The following MCF2L2 variants were observed in gnomAD, a reference collection of about 807,000 sequenced individuals.
The protein encoded by MCF2L2 is MCF.2 cell line derived transforming sequence-like 2, also known as probable guanine nucleotide exchange factor MCF2L2.
MCF2L2 carries 102 observed loss-of-function variants against 150.2 expected under a neutral mutation model. That is an observed-to-expected ratio of 0.68 (90% CI 0.58 to 0.80). The LOEUF (loss-of-function observed/expected upper bound fraction) is 0.80. Ranked by LOEUF, MCF2L2 falls within the 30% of genes least tolerant of loss-of-function variation. MCF2L2 has a pLI of 0.00. For synonymous variants in MCF2L2, 465 were observed against 491.3 expected (o/e 0.95, Z 0.71); for missense variants, 1,256 against 1,372.8 (o/e 0.91, Z 1.34).
chr3:183,316,187 G>A (rs1729594369), intron 7 of MCF2L2, among the ~76,000 whole-genome samples: 1 of 152,016 alleles, frequency 6.6e-6, no homozygotes, highest in Admixed American at 6.5e-5. Context: ...ATACCTCCTA[G>A]GAATCACGTG....
At chr3:183,350,879 G>A (rs1325999957) in intron 3 of MCF2L2, among the ~76,000 whole-genome samples, 2 of 151,560 alleles carry the variant, frequency 1.3e-5, no homozygotes, top group Non-Finnish European at 2.9e-5. Flanking sequence ...ACTCCAGCCT[G>A]GGCGACAGAG....
intron 15 of MCF2L2, among the ~76,000 whole-genome samples, chr3:183,247,554 C>G (rs1291805816): frequency 6.6e-6 from 1 of 152,152 alleles, no homozygotes; most frequent in Non-Finnish European, 1.5e-5. Context: ...ATCCAAGTAA[C>G]TCGGTAATCT....
Position 183,219,893 on chromosome 3 carries a change from A to G in MCF2L2, c.2333T>C (p.Met778Thr), listed in dbSNP as rs1245992570. 10 of 1,613,116 alleles carry G rather than the reference A, an allele frequency of 6.2e-6. No individual in the cohort carries two copies. The highest frequency in any genetic ancestry group is 8.5e-6 in the Non-Finnish European group (10 of 1,179,272). Residue 778 changes from methionine to threonine, a missense_variant, in exon 21 of 30, where the codon ATG (methionine) becomes ACG (threonine). Transcript: ENST00000328913. ...GLLDFESPEDMEIDPGELGGS... is the reference protein window; with the variant it reads ...GLLDFESPEDTEIDPGELGGS... ...TCCTAGTTCACCTGGGTCTATCTCC[A>G]TATCTTCAGGAGACTCGAAATCCAG...
intron 1 of MCF2L2, among the ~76,000 whole-genome samples, chr3:183,416,951 T>A (rs1005040809): frequency 6.6e-6 from 1 of 151,166 alleles, no homozygotes; most frequent in Non-Finnish European, 1.5e-5. Flanking sequence ...CTACTAAAAA[T>A]TTTTTTAAAA....
chr3:183,338,822 T>A lies in MCF2L2; in HGVS notation c.464A>T (p.Asn155Ile). 1.2e-6 allele frequency: 2 copies of A among 1,603,258 alleles called. No individual in the cohort carries two copies. The highest frequency in any genetic ancestry group is 1.7e-6 in the Non-Finnish European group (2 of 1,172,456). ...TACCGGCACTTTCGTTTTAAACTCA[T>A]TTCGATAGTATTTAATGCCAATGTC... is the stretch of plus-strand genomic sequence containing the variant. ...FTDIGIKYYR[N>I]EFKTKVPIIM... Residue 155 changes from asparagine to isoleucine, a missense_variant, in exon 5 of 30, where the codon AAT becomes ATT. Transcript: ENST00000328913.
intron 1 of MCF2L2, among the ~76,000 whole-genome samples, chr3:183,421,947 T>C (rs545310467): frequency 1.3e-5 from 2 of 152,220 alleles, no homozygotes; most frequent in Non-Finnish European, 2.9e-5. Flanking sequence ...TTAACAGAGT[T>C]GTACTGCCTG....
intron 26 of MCF2L2, 138 bp downstream of exon 26, chr3:183,195,084 A>T: frequency 1.3e-6 from 1 of 752,440 alleles, no homozygotes; most frequent in Non-Finnish European, 2.2e-6. Context: ...CGCCCAGCCA[A>T]TATTTTTTAA....
chr3:183,199,758 G>T (rs1722204023), intron 25 of MCF2L2, among the ~76,000 whole-genome samples: 1 of 150,950 alleles, frequency 6.6e-6, no homozygotes, highest in African/African-American at 2.4e-5. Flanking sequence ...ATCCCCTAAT[G>T]CTATCTATCC....
At chr3:183,414,784 C>T (rs1473450005) in intron 1 of MCF2L2, among the ~76,000 whole-genome samples, 1 of 149,794 alleles carries the variant, frequency 6.7e-6, no homozygotes, top group Non-Finnish European at 1.5e-5. Flanking sequence ...AAAGTATTTC[C>T]CTTGTGAGTT....
At chr3:183,314,479 G>T (rs1048508021) in intron 7 of MCF2L2, among the ~76,000 whole-genome samples, 2 of 152,086 alleles carry the variant, frequency 1.3e-5, no homozygotes, top group Non-Finnish European at 2.9e-5. Flanking sequence ...AGCAAGTAAG[G>T]CTGAAAACCT....
chr3:183,419,748 C>T (rs141684618), intron 1 of MCF2L2, among the ~76,000 whole-genome samples: 12,902 of 152,212 alleles, frequency 0.085, 572 homozygotes, highest in African/African-American at 0.095. Flanking sequence ...TGGCATGCAC[C>T]TGTAGTCCCA....
At chr3:183,239,760 C>T (rs1381539189) in intron 15 of MCF2L2, among the ~76,000 whole-genome samples, 1 of 152,168 alleles carries the variant, frequency 6.6e-6, no homozygotes, top group Admixed American at 6.5e-5. Flanking sequence ...TTCAAGAACC[C>T]GAACTCAGAT....
At chr3:183,359,222 A>G (rs1711981742) in intron 3 of MCF2L2, among the ~76,000 whole-genome samples, 1 of 152,208 alleles carries the variant, frequency 6.6e-6, no homozygotes, top group Admixed American at 6.5e-5. Context: ...CAAAGACAGA[A>G]TAACTGTGCT....
At chr3:183,382,796 C>T (rs1180229517) in intron 2 of MCF2L2, among the ~76,000 whole-genome samples, 3 of 152,024 alleles carry the variant, frequency 2.0e-5, no homozygotes, top group African/African-American at 4.8e-5. Flanking sequence ...AAACATTAAG[C>T]GCTTGGGGTA....
rs189235198 is a variant in MCF2L2 at position 183,259,326 on chromosome 3, A to G, written c.1862+17546T>C. On this transcript the variant is annotated intron_variant, in intron 15 of 29. Transcript: ENST00000328913. ...GTGGGGTGGCAGGGGTGGGGCTAGGAGTAGTGGCTGTTTGTAGCATGTTTT... is the reference window on the plus strand; with the variant it reads ...GTGGGGTGGCAGGGGTGGGGCTAGGGGTAGTGGCTGTTTGTAGCATGTTTT... 5.9e-5 allele frequency among the ~76,000 whole-genome samples: 9 copies of G among 152,280 alleles called. No individual in the cohort carries two copies. The East Asian group carries it at 1.4e-3, about 23-fold the overall frequency.
At chr3:183,224,285 G>T in intron 18 of MCF2L2, 95 bp from the exon 19 acceptor site, 1 of 781,018 alleles carries the variant, frequency 1.3e-6, no homozygotes, top group Non-Finnish European at 2.2e-6. Flanking sequence ...ACAAGCCAGA[G>T]TATTCTAATG....
chr3:183,312,983 A>G (rs1729447343), intron 7 of MCF2L2, among the ~76,000 whole-genome samples: 2 of 152,326 alleles, frequency 1.3e-5, no homozygotes, highest in East Asian at 3.9e-4. Flanking sequence ...GGAATCAGGC[A>G]TATCTCTTCT....
intron 3 of MCF2L2, among the ~76,000 whole-genome samples, chr3:183,352,607 G>A (rs932724396): frequency 3.3e-5 from 5 of 152,180 alleles, no homozygotes; most frequent in African/African-American, 1.2e-4. Flanking sequence ...ATGGAGAGAA[G>A]CAGACGTGCT....
At chr3:183,198,561 A>C (rs943877438) in intron 25 of MCF2L2, among the ~76,000 whole-genome samples, 1 of 152,190 alleles carries the variant, frequency 6.6e-6, no homozygotes, top group Non-Finnish European at 1.5e-5. Flanking sequence ...CAGATTGTAC[A>C]CTTTAAATAT....
Sources: gnomAD v4.1 joint callset for allele counts (sites outside exome capture counted in the v4.1 genomes callset) on GRCh38, gnomAD v4.1.1 for gene constraint, MANE v1.5 for transcripts, NCBI Gene and HGNC (gene_info 2026-07-23, HGNC 2026-07-21) for gene names.